The following DIP2A variants were observed in gnomAD, a reference collection of about 807,000 sequenced individuals.
DIP2A encodes disco-interacting protein 2 homolog A.
DIP2A carries 85 observed loss-of-function variants against 177.4 expected under a neutral mutation model. That is an observed-to-expected ratio of 0.48 (90% confidence interval 0.40 to 0.57). The LOEUF is 0.57. Ranked by LOEUF, DIP2A falls within the 20% of genes least tolerant of loss-of-function variation. The pLI is 0.00. For synonymous variants in DIP2A, 886 were observed against 881.8 expected (o/e 1.00, Z -0.08); for missense variants, 1,791 against 2,100.2 (o/e 0.85, Z 2.88).
At chr21:46,524,334 T>A (rs79495691) in intron 8 of DIP2A, among the ~76,000 whole-genome samples, 1 of 152,120 alleles carries the variant, frequency 6.6e-6, no homozygotes, top group African/African-American at 2.4e-5. Context: ...TGCCCTTGCC[T>A]TTTATTAAGA....
chr21:46,470,134 TC>T (rs2055220061), intron 1 of DIP2A, among the ~76,000 whole-genome samples: 1 of 151,182 alleles, frequency 6.6e-6, no homozygotes, highest in African/African-American at 2.4e-5. Context: ...GGTCAGGAGT[TC>T]AAGACCAGCC....
At chr21:46,555,055 T>G in intron 28 of DIP2A, 122 bp downstream of exon 28, 1 of 1,037,656 alleles carries the variant, frequency 9.6e-7, no homozygotes, top group African/African-American at 1.6e-5. Flanking sequence ...GGAGCCTGGC[T>G]GACAGCAGGG....
Position 46,534,655 on chromosome 21 carries a change from G to A in DIP2A, c.1610G>A (p.Arg537Gln), listed in dbSNP as rs371619007. 26 of 1,611,596 alleles carry A rather than the reference G, an allele frequency of 1.6e-5. No homozygotes were observed. The highest frequency in any genetic ancestry group is 1.6e-4 in the Middle Eastern group (1 of 6,084). ...CACGCATCCCTGCTGGCACAGTGCC[G>A]GGCTCTGACCCAGGCGTGCGGGTAC... Reference protein sequence around the residue: ...VSHASLLAQCRALTQACGYSE... With the variant: ...VSHASLLAQCQALTQACGYSE... The change falls in exon 13 of 38, where the codon CGG becomes CAG. Residue 537 changes from arginine (R) to glutamine (Q), a missense_variant. By Grantham distance (43) the Arg-to-Gln change is conservative. Coordinates refer to ENST00000417564, the MANE Select transcript of DIP2A (RefSeq NM_015151.4).
At chr21:46,473,449 T>G in intron 1 of DIP2A, among the ~76,000 whole-genome samples, 1 of 130,510 alleles carries the variant, frequency 7.7e-6, no homozygotes, top group African/African-American at 2.9e-5. Context: ...AGTGAGACCA[T>G]GTCTCAGGGA....
chr21:46,499,410 G>A (rs1010712520), intron 5 of DIP2A, among the ~76,000 whole-genome samples: 9 of 152,198 alleles, frequency 5.9e-5, no homozygotes, highest in Admixed American at 2.6e-4. Flanking sequence ...TGACCTGGCC[G>A]CCTCTCTGTT....
intron 1 of DIP2A, among the ~76,000 whole-genome samples, chr21:46,482,189 C>T (rs1292801434): frequency 6.6e-6 from 1 of 152,162 alleles, no homozygotes; most frequent in Non-Finnish European, 1.5e-5. Context: ...TGAAAGAGGC[C>T]AATCTCTATA....
Position 46,551,741 on chromosome 21 carries a change from A to G in DIP2A, c.2947A>G (p.Lys983Glu), listed in dbSNP as rs957952854. 3 of 1,613,814 alleles carry G rather than the reference A, an allele frequency of 1.9e-6. No homozygotes were observed. The African/African-American group carries it at 4.0e-5, about 22-fold the overall frequency. ...AHLEDSDQAR[K>E]FLFLADVLQW... ...CCTGGAGGACAGCGACCAGGCACGG[A>G]AGGTGACAGGCCAGTTCCGGGGACG... The change falls in exon 24 of 38, where the codon AAG becomes GAG. Residue 983 changes from lysine (K) to glutamate (E), a missense_variant and splice_region_variant. Transcript: ENST00000417564.
chr21:46,467,399 G>A (rs886402454), intron 1 of DIP2A, among the ~76,000 whole-genome samples: 21 of 151,690 alleles, frequency 1.4e-4, no homozygotes, highest in African/African-American at 4.8e-4. Context: ...ATAGTGTCTC[G>A]CTCTGTTGCC....
At chr21:46,472,027 T>G (rs1472031360) in intron 1 of DIP2A, among the ~76,000 whole-genome samples, 1 of 152,226 alleles carries the variant, frequency 6.6e-6, no homozygotes, top group Non-Finnish European at 1.5e-5. Flanking sequence ...AGGACACAAT[T>G]GTTGGTATGC....
In DIP2A at chr21:46,502,437, A is replaced by ATT. The variant is rs36011338; in HGVS notation, c.656-1897_656-1896dup. Among the ~76,000 whole-genome samples the ATT allele has an allele frequency of 7.6e-4, 34 of 44,862 alleles. 3 individuals are homozygous for ATT. The highest frequency in any genetic ancestry group is 1.2e-3 in the Non-Finnish European group (32 of 27,354). 29.4% of individuals were successfully genotyped at this position (44,862 alleles called of 152,430 possible). On this transcript the variant is annotated intron_variant, in intron 5 of 37. Coordinates refer to ENST00000417564, the MANE Select transcript of DIP2A (RefSeq NM_015151.4). ...GTGAGCCACTGCACAGCTAGTGTTG[A>ATT]TTTTTTTTTTTTTTTTTTTTTTTTT... is the stretch of plus-strand genomic sequence containing the variant.
intron 8 of DIP2A, among the ~76,000 whole-genome samples, chr21:46,526,155 C>G (rs113619669): frequency 0.031 from 4,660 of 151,974 alleles, 101 homozygotes; most frequent in Non-Finnish European, 0.049. Flanking sequence ...GGTGATCCAC[C>G]TGCCTTGGCC....
chr21:46,464,132 A>G (rs970153929), intron 1 of DIP2A, among the ~76,000 whole-genome samples: 4 of 151,100 alleles, frequency 2.6e-5, no homozygotes, highest in African/African-American at 9.7e-5. Flanking sequence ...AGTGGCTCAC[A>G]CCTGTAATCC....
Position 46,534,071 on chromosome 21 carries a change from C to T in DIP2A, c.1497C>T (p.His499=), listed in dbSNP as rs370093456. 157 of 1,613,840 alleles carry T rather than the reference C, an allele frequency of 9.7e-5. No individual in the cohort carries two copies. The African/African-American group carries it at 1.8e-3, about 19-fold the overall frequency. Residue 499 remains histidine (H), a synonymous_variant, in exon 12 of 38, where the codon CAC becomes CAT. Transcript: ENST00000417564. The part of the protein sequence containing the change: ...KHLAKPPKDW[H]PLAQDTGTGT... The stretch of plus-strand genomic sequence containing the variant: ...TAGCCAAGCCCCCAAAGGACTGGCA[C>T]CCTCTGGCCCAGGACACAGGGACTG...
chr21:46,583,445 C>T, the DIP2A span, among the ~76,000 whole-genome samples: 36 of 152,182 alleles, frequency 2.4e-4, no homozygotes, highest in African/African-American at 8.2e-4. Context: ...GAACACACCA[C>T]CATATGCTAG....
intron 6 of DIP2A, among the ~76,000 whole-genome samples, chr21:46,505,766 C>T (rs1266208953): frequency 6.6e-6 from 1 of 152,172 alleles, no homozygotes; most frequent in East Asian, 1.9e-4. Context: ...CACCGATTTA[C>T]TTTCTGTCAC....
At chr21:46,506,943 G>A (rs1348135952) in intron 6 of DIP2A, among the ~76,000 whole-genome samples, 1 of 151,440 alleles carries the variant, frequency 6.6e-6, no homozygotes, top group Non-Finnish European at 1.5e-5. Context: ...TGGGATTACA[G>A]GCATGTGCCA....
At chr21:46,554,330 G>T in intron 26 of DIP2A, 38 bp downstream of exon 26, 1 of 1,610,186 alleles carries the variant, frequency 6.2e-7, no homozygotes, top group Non-Finnish European at 8.5e-7. Context: ...GCAGCTCTTT[G>T]TAAGCAGCCT....
downstream of DIP2A, among the ~76,000 whole-genome samples, chr21:46,571,335 C>T (rs1271845846): frequency 6.6e-6 from 1 of 152,166 alleles, no homozygotes; most frequent in East Asian, 1.9e-4. Context: ...GGGACTGCTG[C>T]TCAATAAGAT....
chr21:46,498,860 G>A lies in DIP2A; in HGVS notation c.655+27G>A, dbSNP rs772306580. 4 of 1,591,744 alleles carry A rather than the reference G, an allele frequency of 2.5e-6. No individual in the cohort carries two copies. The highest frequency in any genetic ancestry group is 3.4e-6 in the Non-Finnish European group (4 of 1,166,584). On this transcript the variant is annotated intron_variant, in intron 5 of 37. Transcript: ENST00000417564. The surrounding 1 kb of genome is among the most constrained non-coding windows in gnomAD (Gnocchi z 4.3). Reference sequence around the variant, plus strand: ...TCAGTAATAAGCTGCTGCGGCCCCTGTGCCAGCAGAGCGGGGTCAGGAGTG... The same window carrying A: ...TCAGTAATAAGCTGCTGCGGCCCCTATGCCAGCAGAGCGGGGTCAGGAGTG...
Sources: gnomAD v4.1 joint callset for allele counts (sites outside exome capture counted in the v4.1 genomes callset) on GRCh38, gnomAD v4.1.1 for gene constraint, Gnocchi (gnomAD v3.1) non-coding constraint, MANE v1.5 for transcripts, NCBI Gene and HGNC (gene_info 2026-07-23, HGNC 2026-07-21) for gene names.